The following CUX1 variants were observed in gnomAD, a reference collection of about 807,000 sequenced individuals.
CUX1 encodes the protein cut like homeobox 1, also known as protein CASP.
In CUX1, 31 loss-of-function variants were observed where a neutral mutation model predicts 158.8. The ratio of observed to expected loss-of-function variants is 0.20; its 90% confidence interval spans 0.15 to 0.26. The LOEUF is 0.26. Among genes scored for constraint, CUX1 ranks in the 10% least tolerant of loss-of-function variants. The pLI is 1.00. For missense variants in CUX1, 1,589 were observed against 2,014.6 expected, an observed-to-expected ratio of 0.79 and a Z score of 4.04; for synonymous variants, 879 against 862.1, an observed-to-expected ratio of 1.02 and a Z score of -0.34.
intron 8 of CUX1, among the ~76,000 whole-genome samples, chr7:102,141,713 C>T (rs534223729): frequency 5.3e-5 from 8 of 152,166 alleles, no homozygotes; most frequent in Non-Finnish European, 1.2e-4. Context: ...ACCTGTGCCT[C>T]CCGGGTTCAA....
rs942262917 is a variant in CUX1 at position 101,869,959 on chromosome 7, G to A, written c.31-46156G>A. ...CAGAACCACCACCCTTGGGAAGGCG[G>A]CTCCTCGTGCCCCCCCTCTTGTGCC... On this transcript the variant is annotated intron_variant, in intron 1 of 23. Transcript: ENST00000292535. The surrounding 1 kb of genome is among the most constrained non-coding windows in gnomAD (Gnocchi z 4.5). Among the ~76,000 whole-genome samples the A allele has an allele frequency of 6.6e-6, 1 of 151,928 alleles. No homozygotes were observed. Among genetic ancestry groups the A allele is most frequent in the South Asian group, 2.1e-4 (1 of 4,816 alleles).
rs1696758953 is a variant in CUX1, at chr7:102,249,224, C to T, written c.*182C>T. On this transcript the variant is annotated 3_prime_UTR_variant, in exon 24 of 24. Transcript: ENST00000292535. ...GTCCGCGGCCTGCACCGACCCGAGG[C>T]CCAGATCCAAGGCCGCGGCCCAGAC... 9.1e-7 allele frequency: 1 copy of T among 1,100,024 alleles called. No homozygotes were observed. 68.1% of individuals were successfully genotyped at this position (1,100,024 alleles called of 1,614,324 possible).
intron 2 of CUX1, among the ~76,000 whole-genome samples, chr7:101,996,953 C>A (rs1261607655): frequency 6.6e-6 from 1 of 152,074 alleles, no homozygotes; most frequent in Non-Finnish European, 1.5e-5. Context: ...CACAGGGCAG[C>A]CCTTCTGGGA....
intron 1 of CUX1, among the ~76,000 whole-genome samples, chr7:101,872,947 G>A (rs987216437): frequency 3.3e-5 from 5 of 151,830 alleles, no homozygotes; most frequent in Non-Finnish European, 5.9e-5. Flanking sequence ...ATCTCAGCTC[G>A]CTGCAACCTC....
intron 2 of CUX1, among the ~76,000 whole-genome samples, chr7:101,963,626 T>C (rs968466632): frequency 3.3e-5 from 5 of 152,106 alleles, no homozygotes; most frequent in African/African-American, 1.2e-4. Flanking sequence ...ATCAATTACT[T>C]AGTACCTGTC....
intron 3 of CUX1, among the ~76,000 whole-genome samples, chr7:102,061,454 G>A (rs1824867248): frequency 6.6e-6 from 1 of 152,202 alleles, no homozygotes; most frequent in Admixed American, 6.5e-5. Context: ...TGAAGCTGGT[G>A]AGACGGCGGT....
intron 2 of CUX1, among the ~76,000 whole-genome samples, chr7:101,931,420 A>G (rs1806275433): frequency 1.3e-5 from 2 of 152,166 alleles, no homozygotes; most frequent in Admixed American, 6.5e-5. Flanking sequence ...ATCCAGTACT[A>G]TTCTAAACAC....
intron 8 of CUX1, among the ~76,000 whole-genome samples, chr7:102,125,246 T>TCAGCCTG (rs1169716310): frequency 6.6e-6 from 1 of 152,186 alleles, no homozygotes; most frequent in Non-Finnish European, 1.5e-5. Context: ...TCTGTAGCGT[T>TCAGCCTG]CAGCCTGCAG....
intron 4 of CUX1, among the ~76,000 whole-genome samples, chr7:102,089,851 C>T (rs1554481680): frequency 2.6e-5 from 4 of 152,256 alleles, no homozygotes; most frequent in African/African-American, 9.6e-5. Context: ...CCATCACACT[C>T]CGCTTGGGTT....
At chr7:101,945,080 C>T (rs1215218834) in intron 2 of CUX1, among the ~76,000 whole-genome samples, 2 of 152,218 alleles carry the variant, frequency 1.3e-5, no homozygotes, top group Non-Finnish European at 2.9e-5. Flanking sequence ...CTCTGGGACT[C>T]CTTCCACACA....
At chr7:101,846,323 CTT>C (rs34213913) in intron 1 of CUX1, among the ~76,000 whole-genome samples, 17 of 145,310 alleles carry the variant, frequency 1.2e-4, no homozygotes, top group Admixed American at 6.9e-5. Context: ...AATGCAACTC[CTT>C]TTTTTTTTTT....
At chr7:102,001,623 C>T (rs781717487) in intron 2 of CUX1, among the ~76,000 whole-genome samples, 31 of 152,212 alleles carry the variant, frequency 2.0e-4, no homozygotes, top group Admixed American at 2.0e-4. Flanking sequence ...GGATTACAGG[C>T]GTGAGCCACC....
intron 1 of CUX1, among the ~76,000 whole-genome samples, chr7:101,843,549 T>C (rs1795380633): frequency 6.6e-6 from 1 of 152,230 alleles, no homozygotes; most frequent in Non-Finnish European, 1.5e-5. Context: ...GAGCCACTTA[T>C]GTGATTAGTT....
chr7:101,881,191 C>T (rs1240945560), intron 1 of CUX1, among the ~76,000 whole-genome samples: 1 of 152,220 alleles, frequency 6.6e-6, no homozygotes, highest in Non-Finnish European at 1.5e-5. Flanking sequence ...TCATTACTGT[C>T]TGTCTCGCTC....
In CUX1 at chr7:102,170,553, G is replaced by A. The variant is rs1554510129; in HGVS notation, c.828+3G>A. The stretch of plus-strand genomic sequence containing the variant: ...AGATCCAGAAGGCACCAGACGTGGT[G>A]GGTAGCCCCGGCCCCGTGGGGGACT... On this transcript the variant is annotated splice_donor_region_variant and intron_variant, in intron 10 of 23. Coordinates refer to ENST00000292535, the MANE Select transcript of CUX1 (RefSeq NM_181552.4). 1.3e-6 allele frequency: 2 copies of A among 1,569,192 alleles called. No individual in the cohort carries two copies. The highest frequency in any genetic ancestry group is 2.7e-5 in the African/African-American group (2 of 73,708).
intron 9 of CUX1, among the ~76,000 whole-genome samples, chr7:102,168,643 C>CAAAA (rs1167424159): frequency 4.6e-4 from 35 of 75,604 alleles, no homozygotes; most frequent in African/African-American, 1.4e-3. Context: ...GGCTCTGTCT[C>CAAAA]AAAAAAAAAA....
In CUX1 at chr7:102,255,811, T is replaced by C. The variant is rs1789831480; in HGVS notation, c.*6769T>C. On this transcript the variant is annotated 3_prime_UTR_variant, in exon 24 of 24. Transcript: ENST00000292535. ...TGTTTTATAATTCTTTTTTCCCCCCTTTTCCTTCTTCTTTTTTATTATTTT... is the reference window on the plus strand; with the variant it reads ...TGTTTTATAATTCTTTTTTCCCCCCCTTTCCTTCTTCTTTTTTATTATTTT... 2.0e-6 allele frequency: 2 copies of C among 984,766 alleles called. No homozygotes were observed. Among genetic ancestry groups the C allele is most frequent in the South Asian group, 9.4e-5 (2 of 21,262 alleles). 61.0% of individuals were successfully genotyped at this position (984,766 alleles called of 1,614,324 possible).
chr7:101,958,449 G>A (rs1210845972), intron 2 of CUX1, among the ~76,000 whole-genome samples: 1 of 151,220 alleles, frequency 6.6e-6, no homozygotes, highest in Non-Finnish European at 1.5e-5. Flanking sequence ...AACCCAAAAG[G>A]ACTCTAGGGT....
intron 1 of CUX1, among the ~76,000 whole-genome samples, chr7:101,908,799 T>C (rs1803057296): frequency 6.6e-6 from 1 of 152,096 alleles, no homozygotes; most frequent in Non-Finnish European, 1.5e-5. Flanking sequence ...TCTGTGAGAG[T>C]ACACAAAATG....
Sources: gnomAD v4.1 joint callset for allele counts (sites outside exome capture counted in the v4.1 genomes callset) on GRCh38, gnomAD v4.1.1 for gene constraint, Gnocchi (gnomAD v3.1) non-coding constraint, MANE v1.5 for transcripts, NCBI Gene and HGNC (gene_info 2026-07-23, HGNC 2026-07-21) for gene names.